Variants in DNAH17 observed in about 807,000 individuals in gnomAD.
DNAH17 encodes axonemal beta dynein heavy chain 17.
A neutral mutation model predicts 485.6 loss-of-function variants in DNAH17; 376 were observed. The ratio of observed to expected loss-of-function variants is 0.77; its 90% CI spans 0.71 to 0.84. The LOEUF (loss-of-function observed/expected upper bound fraction) is 0.84. Among genes scored for constraint, DNAH17 ranks in the 40% least tolerant of loss-of-function variants. The pLI is 0.00. For missense variants in DNAH17, 6,370 were observed against 5,839.3 expected, an observed-to-expected ratio of 1.09 and a Z score of -2.96; for synonymous variants, 3,031 against 2,405.9, an observed-to-expected ratio of 1.26 and a Z score of -7.60.
intron 48 of DNAH17, among the ~76,000 whole-genome samples, chr17:78,481,086 C>T (rs1165769096): frequency 2.9e-5 from 4 of 139,066 alleles, no homozygotes; most frequent in Middle Eastern, 5.0e-3. Flanking sequence ...TGAGCCACCA[C>T]GCCCGCCCCC....
intron 51 of DNAH17, chr17:78,478,758 CTATCATCAT>C (rs1481686157): frequency 4.7e-6 from 2 of 428,042 alleles, no homozygotes; most frequent in Non-Finnish European, 8.3e-6. Flanking sequence ...ACCACCATCA[CTATCATCAT>C]CACATCACCA....
intron 16 of DNAH17, among the ~76,000 whole-genome samples, chr17:78,546,773 G>A (rs1054039534): frequency 5.3e-5 from 8 of 152,166 alleles, no homozygotes; most frequent in African/African-American, 1.4e-4. Flanking sequence ...AGGCATGGTG[G>A]CCCATGCCTG....
Position 78,450,263 on chromosome 17 carries a change from G to T in DNAH17, c.11031C>A (p.Phe3677Leu). The T allele has an allele frequency of 6.2e-7, 1 of 1,613,894 alleles. No homozygotes were observed. The change falls in exon 68 of 81, where the codon TTC becomes TTA. Residue 3677 changes from phenylalanine to leucine, a missense_variant. Transcript: ENST00000389840. ...CAGCTGCAGGGCGCACCTTGAGGGA[G>T]AACTGGTAGACGGGGTTGATTTTGT... ...DLNKINPVYQ[F>L]SLKAFNVVFE...
In DNAH17 at chr17:78,502,868, C is replaced by G; in HGVS notation, c.5082+18G>C. The G allele has an allele frequency of 2.5e-6, 4 of 1,609,566 alleles. No homozygotes were observed. Among genetic ancestry groups the G allele is most frequent in the Non-Finnish European group, 3.4e-6 (4 of 1,177,746 alleles). On this transcript the variant is annotated intron_variant, in intron 32 of 80. Coordinates refer to ENST00000389840, the MANE Select transcript of DNAH17 (RefSeq NM_173628.4). The stretch of plus-strand genomic sequence containing the variant: ...ATCTCAGCCACGAGGCGCCGCCGAG[C>G]CCCCACCCGCCTCAGACCTGGGCTG...
intron 64 of DNAH17, 55 bp from the exon 65 acceptor site, chr17:78,453,520 T>TGC: frequency 1.9e-6 from 3 of 1,604,126 alleles, no homozygotes; most frequent in Non-Finnish European, 2.6e-6. Context: ...GATGGAACGG[T>TGC]GCGCACGCTC....
chr17:78,484,746 CCA>C, intron 48 of DNAH17, 120 bp downstream of exon 48: 2 of 295,276 alleles, frequency 6.8e-6, no homozygotes, highest in Non-Finnish European at 1.0e-5. Flanking sequence ...AGCACCCCCC[CCA>C]CCGCCCCACA....
At position 78,552,792 on chromosome 17, in the gene DNAH17, A is replaced by T. The variant is rs779932472; in HGVS notation, c.2192T>A (p.Val731Glu). The T allele has an allele frequency of 6.2e-7, 1 of 1,610,266 alleles. No individual in the cohort carries two copies. Among genetic ancestry groups the T allele is most frequent in the East Asian group, 2.2e-5 (1 of 44,870 alleles). Residue 731 changes from valine to glutamate, a missense_variant, in exon 15 of 81, where the codon GTG becomes GAG. Val to Glu is a moderately radical substitution (Grantham distance 121). Transcript: ENST00000389840. ...TATTAGTAGAAATTCTACTGCCTTC[A>T]CTATAGTCTTTATCTGAAAAACAGA... ...VGWYNEIKTIVKAVEFLLIKS... is the reference protein window; with the variant it reads ...VGWYNEIKTIEKAVEFLLIKS...
chr17:78,434,814 C>G (rs2086805071), intron 74 of DNAH17, among the ~76,000 whole-genome samples: 1 of 152,210 alleles, frequency 6.6e-6, no homozygotes, highest in Non-Finnish European at 1.5e-5. Flanking sequence ...CTCCTGAACA[C>G]ACAGAGGCTT....
Position 78,571,320 on chromosome 17 carries a change from T to G in DNAH17, c.791A>C (p.Tyr264Ser), listed in dbSNP as rs749200072. The change falls in exon 5 of 81, where the codon TAC becomes TCC. Residue 264 changes from tyrosine to serine, a missense_variant. Transcript: ENST00000389840. ...VEILEKAKSC[Y>S]WPALQNVYTN... ...GTAAACGTTTTGCAGGGCTGGCCAG[T>G]AGCAGCTTTTGGCTTTCTCTAGGAT... 1 of 1,613,802 alleles carries G rather than the reference T, an allele frequency of 6.2e-7. No individual in the cohort carries two copies. The highest frequency in any genetic ancestry group is 1.3e-5 in the African/African-American group (1 of 74,932).
At chr17:78,560,478 TTC>T (rs1491093853) in intron 13 of DNAH17, among the ~76,000 whole-genome samples, 1 of 141,188 alleles carries the variant, frequency 7.1e-6, no homozygotes, top group Non-Finnish European at 1.6e-5. Context: ...CAAAGACTTT[TTC>T]CCCCCCCCCA....
rs749951856 is a variant in DNAH17, at chr17:78,451,538, C to T, written c.10665G>A (p.Arg3555=). ...QCTLINFLVT[R]DGLEDQLLAA... is the part of the protein sequence containing the mutation. ...CCAAGAGTTGGTCCTCGAGTCCATC[C>T]CTGGTGACCAGGAAGTTGATGAGGG... Residue 3555 remains arginine, a synonymous_variant, in exon 66 of 81, where the codon AGG becomes AGA. Transcript: ENST00000389840. 6 of 1,613,828 alleles carry T rather than the reference C, an allele frequency of 3.7e-6. No individual in the cohort carries two copies. In the Admixed American group the frequency reaches 8.3e-5, roughly 22 times the overall value.
intron 57 of DNAH17, among the ~76,000 whole-genome samples, chr17:78,461,978 C>T (rs1268295786): frequency 6.6e-6 from 1 of 152,018 alleles, no homozygotes; most frequent in Non-Finnish European, 1.5e-5. Context: ...CAACTGCAGC[C>T]TGGGCAACCG....
At chr17:78,539,691 TAAG>T (rs750431537) in intron 18 of DNAH17, 43 bp downstream of exon 18, 4 of 1,455,508 alleles carry the variant, frequency 2.7e-6, no homozygotes, top group Non-Finnish European at 3.7e-6. Flanking sequence ...TTCTAACAGA[TAAG>T]AATACATATA....
chr17:78,490,827 G>A lies in DNAH17; in HGVS notation c.6690C>T (p.Asn2230=), dbSNP rs181518982. 4.4e-5 allele frequency: 71 copies of A among 1,601,872 alleles called. No homozygotes were observed. Among genetic ancestry groups the A allele is most frequent in the East Asian group, 3.6e-4 (16 of 44,332 alleles). Residue 2230 remains asparagine (N), a synonymous_variant, in exon 44 of 81, where the codon AAC becomes AAT. Coordinates refer to ENST00000389840, the MANE Select transcript of DNAH17 (RefSeq NM_173628.4). The part of the protein sequence containing the change: ...DDNKVLTLAS[N]ERIPLNRTMR... ...TGGTGCGGTTCAGGGGGATCCGCTC[G>A]TTGCTGGCCAGGGTGAGGACCTAGG...
intron 27 of DNAH17, 78 bp from the exon 28 acceptor site, chr17:78,507,883 A>G: frequency 7.5e-7 from 1 of 1,337,592 alleles, no homozygotes; most frequent in Non-Finnish European, 1.0e-6. Context: ...TTTCCAGGAC[A>G]TAGACTGAAG....
intron 3 of DNAH17, among the ~76,000 whole-genome samples, chr17:78,572,260 A>G (rs1177904975): frequency 9.2e-6 from 1 of 109,174 alleles, no homozygotes; most frequent in East Asian, 2.3e-4. Flanking sequence ...TGGGCTTCCC[A>G]GGGCCTCTGG....
chr17:78,532,718 T>C lies in DNAH17; in HGVS notation c.2878A>G (p.Thr960Ala), dbSNP rs747691924. Residue 960 changes from threonine (T) to alanine (A), a missense_variant, in exon 20 of 81, where the codon ACA becomes GCA. Coordinates refer to ENST00000389840, the MANE Select transcript of DNAH17 (RefSeq NM_173628.4). ...TCCTCCCTCATCTCTATGAGGTCTG[T>C]GTTATCTTCCAGGTCCATCTGAAAG... ...MNYKMDLEDN[T>A]DLIEMREEVS... 1.9e-5 allele frequency: 31 copies of C among 1,592,888 alleles called. No individual in the cohort carries two copies. The Admixed American group carries it at 4.7e-4, about 24-fold the overall frequency.
rs1458168205 is a variant in DNAH17 at position 78,444,748 on chromosome 17, C to T, written c.11384G>A (p.Gly3795Glu). 2 of 1,598,702 alleles carry T rather than the reference C, an allele frequency of 1.3e-6. No individual in the cohort carries two copies. Among genetic ancestry groups the T allele is most frequent in the Non-Finnish European group, 1.7e-6 (2 of 1,174,330 alleles). Residue 3795 changes from glycine to glutamate, a missense_variant, in exon 71 of 81, where the codon GGA (glycine) becomes GAA (glutamate). By Grantham distance (98) the Gly-to-Glu change is moderately conservative (BLOSUM62 -2). Coordinates refer to ENST00000389840, the MANE Select transcript of DNAH17 (RefSeq NM_173628.4). ...EFKNLDSDIE[G>E]SAKRWKKLVE... is the part of the protein sequence containing the mutation. ...CAGCTTTTTCCAGCGCTTGGCAGAT[C>T]CTTCGATGTCACTGTCCAGATTTTT...
intron 10 of DNAH17, 44 bp downstream of exon 10, chr17:78,566,955 G>A (rs748765390): frequency 3.8e-6 from 6 of 1,576,856 alleles, no homozygotes; most frequent in Admixed American, 3.6e-5. Context: ...GGCTGGTGCT[G>A]TTCTCACCGA....
Sources: allele counts gnomAD v4.1 joint callset (sites outside exome capture counted in the v4.1 genomes callset), GRCh38; gene constraint gnomAD v4.1.1; transcripts MANE v1.5; gene names NCBI Gene and HGNC (gene_info 2026-07-23, HGNC 2026-07-21).